KIF11: variants seen among roughly 807,000 people sequenced by gnomAD.
The protein encoded by KIF11 is kinesin family member 11.
Under a neutral mutation model 121.0 loss-of-function variants are expected in KIF11, and 9 were observed. The ratio of observed to expected loss-of-function variants is 0.07; its 90% CI spans 0.04 to 0.13. The LOEUF is 0.13. Ranked by LOEUF, KIF11 falls within the 10% of genes least tolerant of loss-of-function variation. KIF11 has a pLI of 1.00. For synonymous variants in KIF11, 408 were observed against 421.0 expected, an observed-to-expected ratio of 0.97 and a Z score of 0.38; for missense variants, 846 against 1,217.5, an observed-to-expected ratio of 0.69 and a Z score of 4.54.
At chr10:92,646,473 C>CTA (rs1053369961) in intron 18 of KIF11, among the ~76,000 whole-genome samples, 1 of 152,060 alleles carries the variant, frequency 6.6e-6, no homozygotes, top group African/African-American at 2.4e-5. Context: ...AATTTTTAAT[C>CTA]TATATAAGCT....
chr10:92,649,083 T>TG (rs1844952418), intron 19 of KIF11, among the ~76,000 whole-genome samples: 1 of 152,166 alleles, frequency 6.6e-6, no homozygotes, highest in Non-Finnish European at 1.5e-5. Flanking sequence ...ACACATAAAA[T>TG]GAGTGTTTTA....
chr10:92,607,189 T>C lies in KIF11; in HGVS notation c.339T>C (p.Phe113=). 1 of 1,610,364 alleles carries C rather than the reference T, an allele frequency of 6.2e-7. No individual in the cohort carries two copies. Among genetic ancestry groups the C allele is most frequent in the Non-Finnish European group, 8.5e-7 (1 of 1,177,008 alleles). The change falls in exon 4 of 22, where the codon TTT becomes TTC. Residue 113 remains phenylalanine (F), a synonymous_variant. Coordinates refer to ENST00000260731, the MANE Select transcript of KIF11 (RefSeq NM_004523.4). The part of the protein sequence containing the change: ...AYGQTGTGKT[F]TMEGERSPNE... ...GCCAAACTGGCACTGGAAAAACTTT[T>C]ACAATGGAAGGTGAAAGGTCACCTA...
chr10:92,596,068 C>T (rs990705832), intron 1 of KIF11, among the ~76,000 whole-genome samples: 2 of 152,156 alleles, frequency 1.3e-5, no homozygotes, highest in African/African-American at 4.8e-5. Context: ...GTGGCGCGGT[C>T]TTGGCTCACA....
intron 16 of KIF11, 59 bp downstream of exon 16, chr10:92,637,604 G>A (rs1844821221): frequency 1.3e-6 from 2 of 1,490,772 alleles, no homozygotes; most frequent in East Asian, 2.3e-5. Context: ...GATTTGATAT[G>A]ACTTGATAAT....
At chr10:92,628,316 A>G (rs753219502) in intron 10 of KIF11, among the ~76,000 whole-genome samples, 10 of 152,134 alleles carry the variant, frequency 6.6e-5, no homozygotes, top group Non-Finnish European at 1.0e-4. Context: ...ATTGCTCTGT[A>G]TACATACTTT....
chr10:92,632,739 T>C (rs1228167066), intron 13 of KIF11, 46 bp downstream of exon 13: 2 of 1,213,798 alleles, frequency 1.6e-6, no homozygotes, highest in Middle Eastern at 2.1e-4. Flanking sequence ...TTAAGTGTAA[T>C]GTTGATTTCA....
chr10:92,648,147 T>C (rs1340731472), intron 18 of KIF11, 65 bp from the exon 19 acceptor site: 2 of 1,071,508 alleles, frequency 1.9e-6, no homozygotes, highest in South Asian at 1.6e-5. Context: ...AGGGAAAATA[T>C]GATGTTGAAT....
intron 14 of KIF11, among the ~76,000 whole-genome samples, chr10:92,634,569 C>T (rs112060789): frequency 6.6e-6 from 1 of 152,156 alleles, no homozygotes; most frequent in Non-Finnish European, 1.5e-5. Context: ...CCACCGTGCC[C>T]GGCCGAGAGT....
chr10:92,631,656 C>T (rs775716499), intron 12 of KIF11, among the ~76,000 whole-genome samples: 5 of 148,160 alleles, frequency 3.4e-5, no homozygotes, highest in Admixed American at 2.0e-4. Flanking sequence ...CCACCGCGCC[C>T]GGCCTTTAAT....
intron 1 of KIF11, among the ~76,000 whole-genome samples, chr10:92,603,815 G>C (rs1027222225): frequency 2.6e-5 from 4 of 152,118 alleles, no homozygotes; most frequent in African/African-American, 9.7e-5. Flanking sequence ...TAATTTATCA[G>C]CATCTAATAT....
intron 6 of KIF11, among the ~76,000 whole-genome samples, chr10:92,611,790 T>C (rs1240085771): frequency 3.9e-5 from 6 of 152,136 alleles, no homozygotes; most frequent in African/African-American, 7.2e-5. Context: ...TCCCAGATAC[T>C]CGGTAGGCTG....
At chr10:92,627,143 C>T (rs529146720) in intron 10 of KIF11, among the ~76,000 whole-genome samples, 1 of 152,332 alleles carries the variant, frequency 6.6e-6, no homozygotes, top group South Asian at 2.1e-4. Context: ...CAGCTCTTTT[C>T]TAGCTTTTCC....
chr10:92,631,948 T>A (rs1844743492), intron 12 of KIF11, among the ~76,000 whole-genome samples: 1 of 152,068 alleles, frequency 6.6e-6, no homozygotes, highest in South Asian at 2.1e-4. Context: ...GCGTTGGGAT[T>A]ACAGGTGTAA....
intron 10 of KIF11, among the ~76,000 whole-genome samples, chr10:92,625,682 T>C (rs1289963674): frequency 6.6e-6 from 1 of 152,078 alleles, no homozygotes; most frequent in East Asian, 1.9e-4. Context: ...GAAAACCCCA[T>C]AGTCTCTGTC....
rs1175303233 is a variant in KIF11, at chr10:92,651,507, GTTTTTTTTTTTT to G, written c.3039+1020_3039+1031del. On this transcript the variant is annotated intron_variant, in intron 21 of 21. Coordinates refer to ENST00000260731, the MANE Select transcript of KIF11 (RefSeq NM_004523.4). ...TGTGCCACCATGCCTGGCTAATTTT[GTTTTTTTTTTTT>G]TTTTTTTTTTTTTTTTTTTTTTTTT... is the stretch of plus-strand genomic sequence containing the variant. Among the ~76,000 whole-genome samples, 39 of 52,972 alleles carry G rather than the reference GTTTTTTTTTTTT, an allele frequency of 7.4e-4. 4 individuals are homozygous for G. The South Asian group carries it at 7.8e-3, about 11-fold the overall frequency. The allele number at this position is 52,972 out of a possible 152,430, so 34.8% of individuals were successfully genotyped here.
chr10:92,596,532 T>C (rs1844298542), intron 1 of KIF11, among the ~76,000 whole-genome samples: 1 of 135,392 alleles, frequency 7.4e-6, no homozygotes, highest in Admixed American at 7.3e-5. Context: ...ACGTTTATTT[T>C]CTGTTTCTTT....
At chr10:92,651,536 T>G (rs1844983600) in intron 21 of KIF11, among the ~76,000 whole-genome samples, 2 of 107,728 alleles carry the variant, frequency 1.9e-5, no homozygotes, top group African/African-American at 4.7e-5. Context: ...TTTTTTTTTT[T>G]TTTTTTTTTT....
intron 4 of KIF11, among the ~76,000 whole-genome samples, chr10:92,608,133 AT>A (rs571762594): frequency 0.048 from 6,899 of 142,460 alleles, 183 homozygotes; most frequent in Admixed American, 0.068. Flanking sequence ...ATTTTTTTTA[AT>A]TTTTTTTTTT....
chr10:92,650,258 A>T, intron 20 of KIF11, 143 bp from the exon 21 acceptor site: 1 of 624,056 alleles, frequency 1.6e-6, no homozygotes, highest in Non-Finnish European at 2.9e-6. Context: ...TATTTTCATT[A>T]ATTTGTAGAC....
Sources: allele counts gnomAD v4.1 joint callset (sites outside exome capture counted in the v4.1 genomes callset), GRCh38; gene constraint gnomAD v4.1.1; transcripts MANE v1.5; gene names NCBI Gene and HGNC (gene_info 2026-07-23, HGNC 2026-07-21).